The following ATP8B4 variants were observed in gnomAD, a reference collection of about 807,000 sequenced individuals.
ATP8B4 encodes probable phospholipid-transporting ATPase IM.
ATP8B4 carries 133 observed loss-of-function variants against 145.6 expected under a neutral mutation model. The ratio of observed to expected loss-of-function variants is 0.91; its 90% CI spans 0.79 to 1.05. The LOEUF (loss-of-function observed/expected upper bound fraction) is 1.05. Ranked by LOEUF, ATP8B4 falls within the 50% of genes least tolerant of loss-of-function variation. The pLI, the probability that ATP8B4 is intolerant of heterozygous loss-of-function variation, is 0.00. For missense variants in ATP8B4, 1,458 were observed against 1,425.2 expected (o/e 1.02, Z -0.37); for synonymous variants, 507 against 492.9 (o/e 1.03, Z -0.38).
At chr15:49,977,245 A>G (rs774977832) in intron 12 of ATP8B4, among the ~76,000 whole-genome samples, 9 of 152,140 alleles carry the variant, frequency 5.9e-5, no homozygotes, top group Admixed American at 2.6e-4. Flanking sequence ...GGACAGAAAT[A>G]CCTGGGTGTT....
intron 1 of ATP8B4, among the ~76,000 whole-genome samples, chr15:50,146,699 T>C (rs1039934128): frequency 6.6e-6 from 1 of 152,166 alleles, no homozygotes; most frequent in Non-Finnish European, 1.5e-5. Flanking sequence ...TCACCAACAT[T>C]TAGGCTCATA....
chr15:50,040,102 T>C (rs1048459271), intron 5 of ATP8B4, among the ~76,000 whole-genome samples: 4 of 152,228 alleles, frequency 2.6e-5, no homozygotes, highest in Non-Finnish European at 5.9e-5. Context: ...CTACACAGCA[T>C]TCGTCTCCAC....
chr15:49,950,615 C>CAAA (rs1189915156), intron 14 of ATP8B4, among the ~76,000 whole-genome samples: 27 of 79,964 alleles, frequency 3.4e-4, no homozygotes, highest in Middle Eastern at 7.2e-3. Flanking sequence ...AACAAACAAA[C>CAAA]AAACAAAAAA....
At chr15:49,875,111 C>T (rs888484575) in intron 25 of ATP8B4, among the ~76,000 whole-genome samples, 4 of 152,176 alleles carry the variant, frequency 2.6e-5, no homozygotes, top group Admixed American at 1.3e-4. Flanking sequence ...TGTACACATG[C>T]ACACACACAT....
chr15:49,987,387 G>A lies in ATP8B4; in HGVS notation c.748+4C>T, dbSNP rs759959694. On this transcript the variant is annotated splice_donor_region_variant and intron_variant, in intron 10 of 27. Coordinates refer to ENST00000284509, the MANE Select transcript of ATP8B4 (RefSeq NM_024837.4). ...CAGAGCTGGCCTTGGGTCACATGCTGTACCTGCAAAAATAACCATTCCAAA... is the reference window on the plus strand; with the variant it reads ...CAGAGCTGGCCTTGGGTCACATGCTATACCTGCAAAAATAACCATTCCAAA... The A allele has an allele frequency of 1.9e-6, 3 of 1,613,216 alleles. No individual in the cohort carries two copies. Among genetic ancestry groups the A allele is most frequent in the South Asian group, 2.2e-5 (2 of 91,018 alleles).
intron 9 of ATP8B4, among the ~76,000 whole-genome samples, chr15:49,992,537 GA>G (rs1182738306): frequency 6.6e-6 from 1 of 152,164 alleles, no homozygotes; most frequent in East Asian, 1.9e-4. Flanking sequence ...AGACTTACCA[GA>G]GACATCCTGA....
intron 3 of ATP8B4, among the ~76,000 whole-genome samples, chr15:50,060,009 T>C (rs1222492569): frequency 2.0e-5 from 3 of 152,202 alleles, no homozygotes; most frequent in Non-Finnish European, 1.5e-5. Context: ...ACAATTGTCA[T>C]TTCCAGTACT....
intron 13 of ATP8B4, among the ~76,000 whole-genome samples, 157 bp from the exon 14 acceptor site, chr15:49,962,177 G>A (rs1367637974): frequency 6.6e-6 from 1 of 152,152 alleles, no homozygotes; most frequent in East Asian, 1.9e-4. Flanking sequence ...CTTTCAAATT[G>A]TAACCATAAA....
rs984463680 is a variant in ATP8B4, at chr15:49,876,538, T to C, written c.2782-15A>G. 17 of 1,613,544 alleles carry C rather than the reference T, an allele frequency of 1.1e-5. No homozygotes were observed. The highest frequency in any genetic ancestry group is 1.3e-5 in the African/African-American group (1 of 74,900). On this transcript the variant is annotated splice_polypyrimidine_tract_variant and intron_variant, in intron 24 of 27. Transcript: ENST00000284509. ...TCACTCACATCCTGTAAACAGAGTG[T>C]AATTTCAGTGGAGAAGGATTAAAAA... is the stretch of plus-strand genomic sequence containing the variant.
At chr15:49,944,372 GA>G (rs2153480412) in intron 14 of ATP8B4, among the ~76,000 whole-genome samples, 1 of 152,136 alleles carries the variant, frequency 6.6e-6, no homozygotes, top group African/African-American at 2.4e-5. Flanking sequence ...TGAAGGGATG[GA>G]AAAAAATATT....
At chr15:49,940,945 AAGAC>A (rs748987336) in intron 14 of ATP8B4, among the ~76,000 whole-genome samples, 52 of 152,268 alleles carry the variant, frequency 3.4e-4, no homozygotes, top group Middle Eastern at 3.4e-3. Flanking sequence ...CATAGAGAGA[AAGAC>A]AGAGAGAGCA....
chr15:50,073,737 G>A (rs980667066), intron 3 of ATP8B4, among the ~76,000 whole-genome samples: 6 of 152,116 alleles, frequency 3.9e-5, no homozygotes, highest in African/African-American at 1.4e-4. Flanking sequence ...GAGTTGCTTA[G>A]AGAAAATCCC....
At chr15:49,951,044 C>T (rs1287851740) in intron 14 of ATP8B4, among the ~76,000 whole-genome samples, 1 of 150,898 alleles carries the variant, frequency 6.6e-6, no homozygotes, top group Non-Finnish European at 1.5e-5. Flanking sequence ...AATTTAATTG[C>T]ACTGTGGTCT....
At chr15:49,957,126 G>T (rs184972873) in intron 14 of ATP8B4, among the ~76,000 whole-genome samples, 17 of 152,084 alleles carry the variant, frequency 1.1e-4, no homozygotes, top group Non-Finnish European at 2.2e-4. Context: ...TTTTAAAGCT[G>T]CAAATCGACT....
intron 6 of ATP8B4, among the ~76,000 whole-genome samples, chr15:50,032,131 A>T (rs376521055): frequency 2.6e-5 from 4 of 152,114 alleles, no homozygotes; most frequent in Non-Finnish European, 5.9e-5. Flanking sequence ...CCCGTCATCT[A>T]GGTTTTAAAC....
chr15:49,986,136 CACA>C (rs1464205804), intron 10 of ATP8B4, among the ~76,000 whole-genome samples: 1 of 152,128 alleles, frequency 6.6e-6, no homozygotes, highest in Non-Finnish European at 1.5e-5. Context: ...CTCAGCGGTT[CACA>C]ACAACTGCCC....
intron 7 of ATP8B4, among the ~76,000 whole-genome samples, chr15:50,008,991 C>T (rs2048520996): frequency 6.6e-6 from 1 of 152,168 alleles, no homozygotes; most frequent in South Asian, 2.1e-4. Flanking sequence ...AATAATCTGA[C>T]ACTATCTAGC....
chr15:50,086,427 C>A lies in ATP8B4; in HGVS notation c.29-12242G>T. Among the ~76,000 whole-genome samples, 4 of 18,466 alleles carry A rather than the reference C, an allele frequency of 2.2e-4. 1 individual carries two copies. Among genetic ancestry groups the A allele is most frequent in the South Asian group, 2.7e-3 (1 of 372 alleles). The allele number at this position is 18,466 out of a possible 152,430, so 12.1% of individuals were successfully genotyped here. On this transcript the variant is annotated intron_variant, in intron 2 of 27. Transcript: ENST00000284509. ...ATATATAATAAAATAATATAGAGAT[C>A]TATAATTATATATAATAAAATAATA...
At chr15:50,052,402 A>T (rs1344261439) in intron 3 of ATP8B4, among the ~76,000 whole-genome samples, 1 of 152,220 alleles carries the variant, frequency 6.6e-6, no homozygotes, top group African/African-American at 2.4e-5. Context: ...AGATTCCATG[A>T]TGAGGTAGGC....
Sources: allele counts gnomAD v4.1 joint callset (sites outside exome capture counted in the v4.1 genomes callset), GRCh38; gene constraint gnomAD v4.1.1; transcripts MANE v1.5; gene names NCBI Gene and HGNC (gene_info 2026-07-23, HGNC 2026-07-21).